INSL6: variants seen among roughly 807,000 people sequenced by gnomAD.
INSL6 encodes the protein insulin like 6.
A neutral mutation model predicts 9.4 loss-of-function variants in INSL6; 16 were observed. The observed-to-expected ratio is 1.70, with a 90% CI of 1.15 to 2.59. The LOEUF (loss-of-function observed/expected upper bound fraction) is 2.59, where lower values mean the gene tolerates loss of function less well. Among genes scored for constraint, INSL6 ranks in the 30% most tolerant of loss-of-function variants. The pLI is 0.00. For synonymous variants in INSL6, 154 were observed against 96.9 expected (o/e 1.59, Z -3.46); for missense variants, 391 against 257.3 (o/e 1.52, Z -3.56).
the INSL6 span, among the ~76,000 whole-genome samples, chr9:5,064,621 T>C: frequency 2.0e-5 from 3 of 152,166 alleles, no homozygotes; most frequent in Non-Finnish European, 4.4e-5. Flanking sequence ...AACTGGTATA[T>C]TAGTCTAAGA....
intron 2 of INSL6, among the ~76,000 whole-genome samples, chr9:5,144,721 T>C (rs555604507): frequency 9.4e-4 from 143 of 152,312 alleles, no homozygotes; most frequent in Admixed American, 1.8e-3. Context: ...CCTTTACCAT[T>C]ATGTAATACC....
At chr9:5,183,046 T>C (rs1825494061) in intron 1 of INSL6, among the ~76,000 whole-genome samples, 1 of 152,202 alleles carries the variant, frequency 6.6e-6, no homozygotes, top group African/African-American at 2.4e-5. Context: ...ACACAACAAC[T>C]TGTCCTGCTG....
chr9:5,168,911 G>A (rs889521608), intron 1 of INSL6, among the ~76,000 whole-genome samples: 7 of 147,086 alleles, frequency 4.8e-5, no homozygotes, highest in South Asian at 2.2e-4. Flanking sequence ...AGAGACGGGC[G>A]GCCAATATTT....
the INSL6 span, chr9:5,069,951 A>G: frequency 4.4e-6 from 7 of 1,604,618 alleles, no homozygotes; most frequent in South Asian, 1.1e-5. Flanking sequence ...AGTCTTCAGA[A>G]CGAATGGTGT....
At chr9:5,060,407 G>A in the INSL6 span, among the ~76,000 whole-genome samples, 1 of 152,176 alleles carries the variant, frequency 6.6e-6, no homozygotes, top group Non-Finnish European at 1.5e-5. Context: ...TTAGAAATGA[G>A]TCAGTCCTCT....
the INSL6 span, among the ~76,000 whole-genome samples, chr9:4,998,275 G>C: frequency 6.6e-6 from 1 of 152,010 alleles, no homozygotes; most frequent in African/African-American, 2.4e-5. Context: ...TGTTGTTGTT[G>C]AGATGGAGTC....
downstream of INSL6, chr9:5,123,003 G>A: frequency 1.3e-6 from 2 of 1,594,900 alleles, no homozygotes; most frequent in East Asian, 2.2e-5. Context: ...TATATTTACA[G>A]GTATGCTCCA....
chr9:5,108,300 C>G, the INSL6 span: 1 of 152,070 alleles, frequency 6.6e-6, no homozygotes, highest in Non-Finnish European at 1.5e-5. Context: ...CACACTAATT[C>G]CTACCCTAAT....
chr9:5,095,739 A>G, the INSL6 span, among the ~76,000 whole-genome samples: 1 of 152,172 alleles, frequency 6.6e-6, no homozygotes, highest in Non-Finnish European at 1.5e-5. Context: ...GACTTAATCA[A>G]ACACAATTCT....
At chr9:5,078,590 G>T in the INSL6 span, 1 of 664,988 alleles carries the variant, frequency 1.5e-6, no homozygotes, top group East Asian at 2.7e-5. Context: ...AATTTAAATT[G>T]TTAGTTAAAT....
At chr9:5,134,755 G>A (rs1164712930) in intron 2 of INSL6, among the ~76,000 whole-genome samples, 3 of 152,106 alleles carry the variant, frequency 2.0e-5, no homozygotes, top group East Asian at 3.8e-4. Flanking sequence ...AAAGACCATC[G>A]ACACTATGAA....
the INSL6 span, chr9:5,077,338 G>C: frequency 2.7e-6 from 1 of 364,600 alleles, no homozygotes; most frequent in Non-Finnish European, 4.6e-6. Context: ...TGTGAGTTTT[G>C]CCAATTTAAT....
chr9:5,025,185 C>G, the INSL6 span, among the ~76,000 whole-genome samples: 23 of 152,082 alleles, frequency 1.5e-4, no homozygotes, highest in South Asian at 3.5e-3. Context: ...TTGGAACTAC[C>G]TACTCCACCA....
At chr9:5,022,975 G>T in the INSL6 span, among the ~76,000 whole-genome samples, 1 of 152,152 alleles carries the variant, frequency 6.6e-6, no homozygotes, top group Non-Finnish European at 1.5e-5. Flanking sequence ...GATCAGTATA[G>T]GTCAGAATAA....
At chr9:5,005,727 A>C in the INSL6 span, among the ~76,000 whole-genome samples, 1 of 152,192 alleles carries the variant, frequency 6.6e-6, no homozygotes, top group Non-Finnish European at 1.5e-5. Context: ...AGTTTGTATA[A>C]GCTCAATGTT....
chr9:5,054,665 A>G, the INSL6 span: 5 of 1,613,396 alleles, frequency 3.1e-6, no homozygotes, highest in Admixed American at 1.7e-5. This position sits in a 1 kb window ranked among gnomAD's most constrained non-coding sequence, Gnocchi z 4.9. Context: ...TTATTCAGCA[A>G]TTCAGCCAAT....
the INSL6 span, among the ~76,000 whole-genome samples, chr9:5,010,751 C>A: frequency 0.62 from 93,677 of 152,090 alleles, 31,031 homozygotes; most frequent in African/African-American, 0.88. Context: ...CTTTAATCCA[C>A]ATGATTTTCT....
chr9:5,094,895 A>G, the INSL6 span: 6 of 152,190 alleles, frequency 3.9e-5, no homozygotes, highest in South Asian at 4.1e-4. Context: ...TCCGAACAGC[A>G]TACCTCCAAT....
the INSL6 span, among the ~76,000 whole-genome samples, chr9:4,992,400 T>TG: frequency 1.3e-5 from 2 of 152,210 alleles, no homozygotes; most frequent in Admixed American, 1.3e-4. Flanking sequence ...GTCAGAAGCC[T>TG]GTCCAGATTT....
Sources: allele counts gnomAD v4.1 joint callset (sites outside exome capture counted in the v4.1 genomes callset), GRCh38; gene constraint gnomAD v4.1.1; non-coding constraint Gnocchi (gnomAD v3.1); transcripts MANE v1.5; gene names NCBI Gene and HGNC (gene_info 2026-07-23, HGNC 2026-07-21).